ULK4: variants seen among roughly 807,000 people sequenced by gnomAD.
ULK4 encodes unc-51 like kinase 4.
In ULK4, 133 loss-of-function variants were observed where a neutral mutation model predicts 160.6. That is an observed-to-expected ratio of 0.83 (90% CI 0.72 to 0.96). The LOEUF (loss-of-function observed/expected upper bound fraction) is 0.96, where lower values mean the gene tolerates loss of function less well. ULK4 is among the 40% of genes least tolerant of loss of function. The pLI, the probability that ULK4 is intolerant of heterozygous loss-of-function variation, is 0.00. For missense variants in ULK4, 1,580 were observed against 1,499.5 expected (o/e 1.05, Z -0.89); for synonymous variants, 534 against 539.8 (o/e 0.99, Z 0.15).
chr3:41,460,928 G>A (rs536423801), intron 33 of ULK4, among the ~76,000 whole-genome samples: 7 of 152,170 alleles, frequency 4.6e-5, no homozygotes, highest in African/African-American at 9.6e-5. Context: ...GGTGGGGAGT[G>A]GTATACTGGT....
chr3:41,492,400 C>T (rs572239058), intron 32 of ULK4, among the ~76,000 whole-genome samples: 1 of 115,578 alleles, frequency 8.7e-6, no homozygotes, highest in Non-Finnish European at 1.9e-5. Flanking sequence ...TCTGTTGTTT[C>T]CTGCCCTAAA....
At chr3:41,258,339 G>A (rs1055675441) in intron 35 of ULK4, 1 of 152,158 alleles carries the variant, frequency 6.6e-6, no homozygotes, top group Non-Finnish European at 1.5e-5. Flanking sequence ...AAGGAAGTAG[G>A]AGTCAAAGTG....
At chr3:41,401,631 T>A (rs2082180828) in intron 34 of ULK4, among the ~76,000 whole-genome samples, 1 of 152,148 alleles carries the variant, frequency 6.6e-6, no homozygotes, top group African/African-American at 2.4e-5. Context: ...TTATTCTCTG[T>A]TTTAGGCAGT....
At chr3:41,513,525 T>G (rs1430154676) in intron 32 of ULK4, among the ~76,000 whole-genome samples, 2 of 152,106 alleles carry the variant, frequency 1.3e-5, no homozygotes, top group African/African-American at 2.4e-5. Flanking sequence ...CCCAGCTACT[T>G]GGGAGGCTGA....
intron 35 of ULK4, among the ~76,000 whole-genome samples, chr3:41,379,641 C>A (rs2081602493): frequency 6.6e-6 from 1 of 152,130 alleles, no homozygotes; most frequent in African/African-American, 2.4e-5. Context: ...CCTTGCCCAG[C>A]CATCTCCTAA....
At chr3:41,844,522 G>C (rs2042016279) in intron 17 of ULK4, among the ~76,000 whole-genome samples, 1 of 152,104 alleles carries the variant, frequency 6.6e-6, no homozygotes, top group Non-Finnish European at 1.5e-5. Context: ...ACCCCACACA[G>C]CCCCGGTTGC....
chr3:41,624,757 TGA>T (rs1357186531), intron 30 of ULK4, among the ~76,000 whole-genome samples: 1 of 152,188 alleles, frequency 6.6e-6, no homozygotes, highest in African/African-American at 2.4e-5. Flanking sequence ...TCGTCACAAA[TGA>T]GAGTTTCTTG....
chr3:41,811,160 T>C (rs1269031921), intron 19 of ULK4, among the ~76,000 whole-genome samples: 13 of 152,112 alleles, frequency 8.5e-5, no homozygotes, highest in Non-Finnish European at 1.5e-5. Flanking sequence ...GTGCTGGGAT[T>C]ACAGGTATAA....
intron 18 of ULK4, among the ~76,000 whole-genome samples, chr3:41,825,543 A>C: frequency 6.6e-6 from 1 of 152,280 alleles, no homozygotes; most frequent in East Asian, 1.9e-4. Context: ...AATTCGATCA[A>C]CTGGAAGAAA....
chr3:41,772,093 G>C (rs1181668236), intron 21 of ULK4, among the ~76,000 whole-genome samples: 1 of 152,096 alleles, frequency 6.6e-6, no homozygotes, highest in Non-Finnish European at 1.5e-5. Context: ...GAAGTTTATA[G>C]CTCTAAATGC....
chr3:41,774,788 G>A (rs2125925270), intron 21 of ULK4, among the ~76,000 whole-genome samples: 1 of 150,588 alleles, frequency 6.6e-6, no homozygotes, highest in Non-Finnish European at 1.5e-5. Context: ...GTTTATTGCG[G>A]CACTACTCAC....
intron 30 of ULK4, among the ~76,000 whole-genome samples, chr3:41,657,685 C>G (rs1031058612): frequency 1.6e-4 from 24 of 151,874 alleles, no homozygotes; most frequent in African/African-American, 5.3e-4. Context: ...GGTGTGGTGG[C>G]AGACGCCTGT....
At chr3:41,739,943 G>A (rs1427813724) in intron 22 of ULK4, among the ~76,000 whole-genome samples, 2 of 151,792 alleles carry the variant, frequency 1.3e-5, no homozygotes, top group Admixed American at 6.6e-5. Flanking sequence ...TATTATATAT[G>A]ATGCAAAATT....
intron 35 of ULK4, among the ~76,000 whole-genome samples, chr3:41,318,654 T>G (rs1293966924): frequency 6.6e-6 from 1 of 152,200 alleles, no homozygotes; most frequent in Non-Finnish European, 1.5e-5. Context: ...GCTTGTGGTG[T>G]GTCCTGAGGG....
intron 25 of ULK4, among the ~76,000 whole-genome samples, chr3:41,706,742 T>C (rs1470618217): frequency 2.0e-5 from 3 of 150,196 alleles, no homozygotes; most frequent in Non-Finnish European, 3.0e-5. Flanking sequence ...GCAGGAGAAT[T>C]GCTTGAGCCC....
At chr3:41,555,717 C>G (rs892109598) in intron 32 of ULK4, among the ~76,000 whole-genome samples, 2 of 152,172 alleles carry the variant, frequency 1.3e-5, no homozygotes, top group Non-Finnish European at 2.9e-5. Flanking sequence ...GACACATGCA[C>G]ACTATGTTTA....
chr3:41,940,759 C>G (rs1272200002), intron 2 of ULK4, among the ~76,000 whole-genome samples: 1 of 151,934 alleles, frequency 6.6e-6, no homozygotes, highest in Non-Finnish European at 1.5e-5. Flanking sequence ...ATCAATTCAC[C>G]CTATTGCAAA....
At chr3:41,961,273 G>A (rs1322855715) in intron 1 of ULK4, among the ~76,000 whole-genome samples, 2 of 152,202 alleles carry the variant, frequency 1.3e-5, no homozygotes, top group African/African-American at 4.8e-5. Flanking sequence ...TCCCGCACCA[G>A]AAGCATGAGC....
At chr3:41,880,213 T>A (rs1407556361) in intron 17 of ULK4, among the ~76,000 whole-genome samples, 1 of 152,208 alleles carries the variant, frequency 6.6e-6, no homozygotes, top group Non-Finnish European at 1.5e-5. Context: ...TATATTGGCT[T>A]AATATCAGAA....
Sources: allele counts gnomAD v4.1 joint callset (sites outside exome capture counted in the v4.1 genomes callset), GRCh38; gene constraint gnomAD v4.1.1; transcripts MANE v1.5; gene names NCBI Gene and HGNC (gene_info 2026-07-23, HGNC 2026-07-21).